ANKS1B: variants seen among roughly 807,000 people sequenced by gnomAD.
ANKS1B encodes the protein ankyrin repeat and sterile alpha motif domain containing 1B.
Under a neutral mutation model 148.3 loss-of-function variants are expected in ANKS1B, and 36 were observed. The ratio of observed to expected loss-of-function variants is 0.24; its 90% confidence interval spans 0.19 to 0.32. The LOEUF (loss-of-function observed/expected upper bound fraction) is 0.32. Among genes scored for constraint, ANKS1B ranks in the 10% least tolerant of loss-of-function variants. ANKS1B has a pLI of 1.00. For synonymous variants in ANKS1B, 542 were observed against 560.8 expected (o/e 0.97, Z 0.47); for missense variants, 1,157 against 1,542.6 (o/e 0.75, Z 4.19).
chr12:99,709,662 G>C (rs1396257250), intron 8 of ANKS1B, among the ~76,000 whole-genome samples: 1 of 151,994 alleles, frequency 6.6e-6, no homozygotes, highest in Non-Finnish European at 1.5e-5. Flanking sequence ...GCAGATATAG[G>C]AGAGGTCAAG....
intron 9 of ANKS1B, among the ~76,000 whole-genome samples, chr12:99,631,380 T>C (rs1587504): frequency 0.55 from 83,992 of 151,814 alleles, 23,842 homozygotes; most frequent in Admixed American, 0.62. Flanking sequence ...GCTTTGGAAC[T>C]AGATAATGGG....
intron 15 of ANKS1B, among the ~76,000 whole-genome samples, chr12:99,142,244 A>G (rs1024999035): frequency 7.9e-5 from 12 of 152,118 alleles, no homozygotes; most frequent in Admixed American, 2.0e-4. Flanking sequence ...GGTCAGAATC[A>G]AAGGCCAGAG....
At chr12:99,566,531 T>C (rs975201983) in intron 9 of ANKS1B, among the ~76,000 whole-genome samples, 2 of 152,190 alleles carry the variant, frequency 1.3e-5, no homozygotes, top group Non-Finnish European at 2.9e-5. Context: ...CTAAATTTCA[T>C]GTGTTAGAAA....
At chr12:99,872,867 A>G (rs2153729975) in intron 1 of ANKS1B, among the ~76,000 whole-genome samples, 1 of 152,282 alleles carries the variant, frequency 6.6e-6, no homozygotes, top group African/African-American at 2.4e-5. Flanking sequence ...ATTTTTAAAT[A>G]AAATGATGAG....
chr12:98,986,635 G>A (rs1319606309), intron 17 of ANKS1B, among the ~76,000 whole-genome samples: 1 of 151,888 alleles, frequency 6.6e-6, no homozygotes, highest in Non-Finnish European at 1.5e-5. Context: ...TGTTTTTGGA[G>A]ACAGGGTCTT....
intron 17 of ANKS1B, among the ~76,000 whole-genome samples, chr12:98,974,145 C>T (rs1156490440): frequency 2.6e-5 from 4 of 152,038 alleles, no homozygotes; most frequent in Non-Finnish European, 5.9e-5. Context: ...CTTCTTAACT[C>T]GAAAAGTTAA....
chr12:99,036,471 C>T (rs1235858145), intron 17 of ANKS1B, among the ~76,000 whole-genome samples: 3 of 152,240 alleles, frequency 2.0e-5, no homozygotes, highest in Admixed American at 2.0e-4. Context: ...AATGATAATG[C>T]ATCTTACAAT....
chr12:98,954,827 T>C (rs1433103569), intron 17 of ANKS1B, among the ~76,000 whole-genome samples: 2 of 152,148 alleles, frequency 1.3e-5, no homozygotes, highest in Non-Finnish European at 2.9e-5. Context: ...TCTTATTCTG[T>C]CAACAGACTA....
chr12:99,452,105 C>G (rs2095751438), intron 10 of ANKS1B, among the ~76,000 whole-genome samples: 1 of 152,032 alleles, frequency 6.6e-6, no homozygotes, highest in Non-Finnish European at 1.5e-5. Context: ...ATATTGTAAG[C>G]TCTGTAAGGC....
chr12:99,624,043 C>G (rs12227199), intron 9 of ANKS1B, among the ~76,000 whole-genome samples: 13,999 of 151,868 alleles, frequency 0.092, 1,106 homozygotes, highest in East Asian at 0.24. Flanking sequence ...GCATGGTACT[C>G]TTACAAAAAT....
intron 17 of ANKS1B, among the ~76,000 whole-genome samples, chr12:99,044,387 C>T (rs568831565): frequency 6.7e-6 from 1 of 149,148 alleles, no homozygotes; most frequent in South Asian, 2.3e-4. Flanking sequence ...AGAGTCTTTC[C>T]CTCTCACATT....
intron 10 of ANKS1B, among the ~76,000 whole-genome samples, chr12:99,477,247 G>T (rs1416662349): frequency 1.3e-5 from 2 of 152,146 alleles, no homozygotes; most frequent in African/African-American, 4.8e-5. Flanking sequence ...TTATCTTAGA[G>T]GCTTCATATG....
chr12:99,484,932 TG>T (rs2096467957), intron 10 of ANKS1B, among the ~76,000 whole-genome samples: 2 of 151,822 alleles, frequency 1.3e-5, no homozygotes, highest in African/African-American at 2.4e-5. Context: ...ATGAATCTCC[TG>T]AAGACAGCCA....
At chr12:99,232,096 A>G (rs2086970396) in intron 14 of ANKS1B, among the ~76,000 whole-genome samples, 1 of 152,104 alleles carries the variant, frequency 6.6e-6, no homozygotes, top group African/African-American at 2.4e-5. Flanking sequence ...AGGCTGTAGG[A>G]TAAGTGTTAG....
At chr12:99,317,695 C>T (rs1474386300) in intron 12 of ANKS1B, among the ~76,000 whole-genome samples, 1 of 152,138 alleles carries the variant, frequency 6.6e-6, no homozygotes, top group Non-Finnish European at 1.5e-5. Context: ...GAACTTCCAA[C>T]ACTATGTTGA....
intron 9 of ANKS1B, among the ~76,000 whole-genome samples, chr12:99,587,780 G>A (rs2097658260): frequency 6.6e-6 from 1 of 152,146 alleles, no homozygotes; most frequent in Admixed American, 6.5e-5. Flanking sequence ...TATACCATAA[G>A]TAGTTTTACA....
chr12:99,295,209 A>C (rs2080698181), intron 12 of ANKS1B, among the ~76,000 whole-genome samples: 1 of 152,236 alleles, frequency 6.6e-6, no homozygotes, highest in South Asian at 2.1e-4. Context: ...TGAGAGTTCC[A>C]GTTACTCCAC....
At chr12:99,417,839 G>C (rs1488617071) in intron 11 of ANKS1B, among the ~76,000 whole-genome samples, 1 of 152,086 alleles carries the variant, frequency 6.6e-6, no homozygotes, top group Non-Finnish European at 1.5e-5. Flanking sequence ...CAAGAAGTAA[G>C]AAACATATCA....
chr12:99,271,426 C>G (rs1057448180), intron 12 of ANKS1B, among the ~76,000 whole-genome samples: 1 of 151,894 alleles, frequency 6.6e-6, no homozygotes, highest in Admixed American at 6.6e-5. Flanking sequence ...TGAAAAATAA[C>G]TATTTGTGCA....
Sources: gnomAD v4.1 joint callset for allele counts (sites outside exome capture counted in the v4.1 genomes callset) on GRCh38, gnomAD v4.1.1 for gene constraint, MANE v1.5 for transcripts, NCBI Gene and HGNC (gene_info 2026-07-23, HGNC 2026-07-21) for gene names.